The following ROR1 variants were observed in gnomAD, a reference collection of about 807,000 sequenced individuals.
The protein encoded by ROR1 is ROR family WNT receptor 1, also known as inactive tyrosine-protein kinase transmembrane receptor ROR1.
A neutral mutation model predicts 78.8 loss-of-function variants in ROR1; 19 were observed. The ratio of observed to expected loss-of-function variants is 0.24; its 90% confidence interval spans 0.17 to 0.35. ROR1 has a LOEUF of 0.35. ROR1 is among the 10% of genes least tolerant of loss of function. The pLI is 1.00. For synonymous variants in ROR1, 386 were observed against 433.6 expected, an observed-to-expected ratio of 0.89 and a Z score of 1.36; for missense variants, 917 against 1,177.8, an observed-to-expected ratio of 0.78 and a Z score of 3.24.
chr1:63,854,477 G>A (rs1337369521), intron 1 of ROR1, among the ~76,000 whole-genome samples: 2 of 152,204 alleles, frequency 1.3e-5, no homozygotes, highest in Non-Finnish European at 1.5e-5. Flanking sequence ...GCAGGATGGA[G>A]GTTTTACAAA....
intron 4 of ROR1, among the ~76,000 whole-genome samples, chr1:64,074,105 A>C (rs1465015307): frequency 6.6e-6 from 1 of 152,096 alleles, no homozygotes; most frequent in Non-Finnish European, 1.5e-5. Flanking sequence ...TTTTACAAGA[A>C]CTGCTTGCTT....
intron 1 of ROR1, among the ~76,000 whole-genome samples, chr1:63,898,036 TG>T (rs1645454243): frequency 6.6e-6 from 1 of 152,210 alleles, no homozygotes; most frequent in Non-Finnish European, 1.5e-5. Flanking sequence ...CTCATTCTGT[TG>T]TCTGCTACAT....
chr1:63,921,357 G>A (rs1365405924), intron 1 of ROR1, among the ~76,000 whole-genome samples: 2 of 152,110 alleles, frequency 1.3e-5, no homozygotes, highest in African/African-American at 4.8e-5. Flanking sequence ...GGGTGGCGAC[G>A]CTGCACATCC....
At chr1:64,075,998 G>T (rs1479402646) in intron 4 of ROR1, among the ~76,000 whole-genome samples, 1 of 152,174 alleles carries the variant, frequency 6.6e-6, no homozygotes, top group African/African-American at 2.4e-5. Context: ...GTGATATTCT[G>T]TGCCTCACCT....
rs542354578 is a variant in ROR1 at position 63,990,674 on chromosome 1, C to A, written c.92-18631C>A. 1.1e-4 allele frequency among the ~76,000 whole-genome samples: 16 copies of A among 152,242 alleles called. No individual in the cohort carries two copies. The South Asian group carries it at 2.9e-3, about 28-fold the overall frequency. On this transcript the variant is annotated intron_variant, in intron 1 of 8. Transcript: ENST00000371079. ...ATAAAATATTTGAATGGTGCTCTGT[C>A]CCAGCTCCTCCACTGTGTGTTTGAA...
At chr1:63,819,539 T>G (rs1480633772) in intron 1 of ROR1, among the ~76,000 whole-genome samples, 1 of 152,208 alleles carries the variant, frequency 6.6e-6, no homozygotes, top group African/African-American at 2.4e-5. Flanking sequence ...GATAGAGTTC[T>G]TTCCATTAGA....
At chr1:64,145,840 T>C (rs1649458444) in intron 7 of ROR1, among the ~76,000 whole-genome samples, 1 of 152,176 alleles carries the variant, frequency 6.6e-6, no homozygotes, top group African/African-American at 2.4e-5. Flanking sequence ...TTCTTTATCC[T>C]CATCCTCATA....
intron 2 of ROR1, among the ~76,000 whole-genome samples, chr1:64,039,796 C>T (rs1646732067): frequency 6.6e-6 from 1 of 152,148 alleles, no homozygotes; most frequent in Admixed American, 6.5e-5. Flanking sequence ...ATTCTATCTC[C>T]AGTCATGTAA....
At chr1:63,876,135 G>C (rs189709381) in intron 1 of ROR1, among the ~76,000 whole-genome samples, 27 of 152,214 alleles carry the variant, frequency 1.8e-4, no homozygotes, top group African/African-American at 6.3e-4. Context: ...GGTATGCTTA[G>C]GATTTCATAA....
chr1:63,928,361 G>T (rs1024057482), intron 1 of ROR1, among the ~76,000 whole-genome samples: 2 of 152,296 alleles, frequency 1.3e-5, no homozygotes, highest in African/African-American at 4.8e-5. Context: ...AAGCCAAGAG[G>T]CCATTGGCAC....
intron 1 of ROR1, among the ~76,000 whole-genome samples, chr1:63,780,591 G>C (rs1644645236): frequency 1.3e-5 from 2 of 152,146 alleles, no homozygotes; most frequent in South Asian, 4.1e-4. Flanking sequence ...CGATGGTCCT[G>C]CTGCAAGGTA....
intron 4 of ROR1, among the ~76,000 whole-genome samples, chr1:64,115,710 C>T (rs914234808): frequency 1.1e-4 from 16 of 151,934 alleles, no homozygotes; most frequent in African/African-American, 3.9e-4. Context: ...TCTATTCCTG[C>T]CTGATGCACC....
chr1:63,935,136 A>G (rs1045383290), intron 1 of ROR1, among the ~76,000 whole-genome samples: 2 of 151,040 alleles, frequency 1.3e-5, no homozygotes, highest in Admixed American at 1.3e-4. Context: ...TTCATTGCCC[A>G]ACCTCCCTCC....
chr1:64,050,653 A>G, intron 3 of ROR1, 33 bp from the exon 4 acceptor site: 1 of 1,608,230 alleles, frequency 6.2e-7, no homozygotes, highest in Non-Finnish European at 8.5e-7. Context: ...ACCTAGACTG[A>G]CTGTTTCTTT....
At chr1:64,017,389 C>T (rs568306596) in intron 2 of ROR1, among the ~76,000 whole-genome samples, 9 of 152,150 alleles carry the variant, frequency 5.9e-5, no homozygotes, top group African/African-American at 1.9e-4. Context: ...TCTCTAAGAC[C>T]GGTATTAATC....
chr1:63,958,364 T>C (rs1055686263), intron 1 of ROR1, among the ~76,000 whole-genome samples: 32 of 152,112 alleles, frequency 2.1e-4, no homozygotes, highest in Non-Finnish European at 4.1e-4. Context: ...TGCTTAACAA[T>C]TTGACAACGA....
At chr1:63,924,347 T>C (rs555595402) in intron 1 of ROR1, among the ~76,000 whole-genome samples, 2 of 152,278 alleles carry the variant, frequency 1.3e-5, no homozygotes, top group East Asian at 3.9e-4. Context: ...CAGCAAATAT[T>C]GATTGATTGA....
At chr1:64,121,337 T>G (rs1428097567) in intron 4 of ROR1, among the ~76,000 whole-genome samples, 1 of 152,022 alleles carries the variant, frequency 6.6e-6, no homozygotes, top group Non-Finnish European at 1.5e-5. Flanking sequence ...ACCTCCTTGA[T>G]CAGAACATAG....
intron 1 of ROR1, among the ~76,000 whole-genome samples, chr1:63,821,517 C>T (rs1157171761): frequency 2.6e-5 from 4 of 152,178 alleles, no homozygotes; most frequent in Non-Finnish European, 4.4e-5. Flanking sequence ...AAACTGAGAG[C>T]ACCCGTGTGT....
Sources: allele counts gnomAD v4.1 joint callset (sites outside exome capture counted in the v4.1 genomes callset), GRCh38; gene constraint gnomAD v4.1.1; transcripts MANE v1.5; gene names NCBI Gene and HGNC (gene_info 2026-07-23, HGNC 2026-07-21).